The following EYA2 variants were observed in gnomAD, a reference collection of about 807,000 sequenced individuals.
EYA2 encodes the protein protein phosphatase EYA2.
EYA2 carries 31 observed loss-of-function variants against 69.2 expected under a neutral mutation model. That is an observed-to-expected ratio of 0.45 (90% CI 0.34 to 0.60). EYA2 has a LOEUF of 0.60. Among genes scored for constraint, EYA2 ranks in the 20% least tolerant of loss-of-function variants. The pLI is 0.02. For missense variants in EYA2, 622 were observed against 701.2 expected, an observed-to-expected ratio of 0.89 and a Z score of 1.28; for synonymous variants, 257 against 279.4, an observed-to-expected ratio of 0.92 and a Z score of 0.80.
chr20:47,034,625 A>G (rs1984598607), intron 5 of EYA2, among the ~76,000 whole-genome samples: 2 of 152,360 alleles, frequency 1.3e-5, no homozygotes, highest in South Asian at 4.1e-4. Flanking sequence ...TGTCCCCACC[A>G]AAGTTAAAAG....
intron 9 of EYA2, among the ~76,000 whole-genome samples, chr20:47,108,753 C>G (rs535905118): frequency 6.6e-6 from 1 of 151,368 alleles, no homozygotes; most frequent in Non-Finnish European, 1.5e-5. Flanking sequence ...TTTTGAGAGA[C>G]GAGGGTCTCA....
chr20:46,904,899 T>C (rs77371880), intron 1 of EYA2, among the ~76,000 whole-genome samples: 5,599 of 152,240 alleles, frequency 0.037, 361 homozygotes, highest in African/African-American at 0.13. Flanking sequence ...TCTGCCTCAG[T>C]TTCCCTATTC....
chr20:47,167,454 T>G (rs549377973), intron 10 of EYA2, among the ~76,000 whole-genome samples: 5 of 152,010 alleles, frequency 3.3e-5, no homozygotes, highest in Middle Eastern at 6.8e-3. Context: ...AGCTAATTTT[T>G]TGTATTTTTA....
intron 10 of EYA2, among the ~76,000 whole-genome samples, chr20:47,159,504 A>G (rs6094613): frequency 0.6 from 91,120 of 151,828 alleles, 28,640 homozygotes; most frequent in African/African-American, 0.78. Flanking sequence ...TTGGATCCTG[A>G]AACAGTCCAA....
At chr20:47,091,414 T>C (rs6012116) in intron 8 of EYA2, among the ~76,000 whole-genome samples, 3,180 of 152,190 alleles carry the variant, frequency 0.021, 117 homozygotes, top group African/African-American at 0.072. Flanking sequence ...CCTTGAAATA[T>C]TTGCTACAAT....
rs529196044 is a variant in EYA2, at chr20:46,954,995, G to A, written c.-10-35006G>A. Among the ~76,000 whole-genome samples the A allele has an allele frequency of 9.2e-5, 14 of 152,278 alleles. No homozygotes were observed. The South Asian group carries it at 2.1e-3, about 23-fold the overall frequency. ...GTAAGGTCAAAATGGATGTCGGCAC[G>A]TCCTGCAGGCCTTTTCTCAGCCTGA... On this transcript the variant is annotated intron_variant, in intron 1 of 15. Coordinates refer to ENST00000327619, the MANE Select transcript of EYA2 (RefSeq NM_005244.5).
At chr20:47,002,265 A>G (rs971509875) in intron 3 of EYA2, among the ~76,000 whole-genome samples, 7 of 152,054 alleles carry the variant, frequency 4.6e-5, no homozygotes, top group African/African-American at 1.7e-4. Flanking sequence ...ATAGGTAAAC[A>G]TGTGCCATGG....
At chr20:47,019,150 C>A (rs1046997607) in intron 5 of EYA2, among the ~76,000 whole-genome samples, 1 of 152,226 alleles carries the variant, frequency 6.6e-6, no homozygotes, top group African/African-American at 2.4e-5. Context: ...TTAGATCCAT[C>A]TAGAAGGTGA....
intron 5 of EYA2, among the ~76,000 whole-genome samples, chr20:47,019,377 C>G (rs1983610272): frequency 6.6e-6 from 1 of 152,238 alleles, no homozygotes; most frequent in Admixed American, 6.5e-5. Context: ...TGAGACAGCC[C>G]AGGCATTTTG....
intron 1 of EYA2, among the ~76,000 whole-genome samples, chr20:46,910,496 C>G (rs1984591996): frequency 6.6e-6 from 1 of 152,186 alleles, no homozygotes; most frequent in African/African-American, 2.4e-5. Context: ...TTCATGGTCT[C>G]TGGTACAAAA....
chr20:46,923,143 G>A (rs570292094), intron 1 of EYA2, among the ~76,000 whole-genome samples: 4 of 152,298 alleles, frequency 2.6e-5, no homozygotes, highest in East Asian at 1.9e-4. Flanking sequence ...TGAGGCGGGC[G>A]GATCACTTGA....
chr20:47,030,303 T>G (rs1984333026), intron 5 of EYA2, among the ~76,000 whole-genome samples: 1 of 152,210 alleles, frequency 6.6e-6, no homozygotes, highest in Non-Finnish European at 1.5e-5. Flanking sequence ...CCAATAAAAG[T>G]GTCCCCATGA....
chr20:47,014,268 A>G (rs1440063482), intron 4 of EYA2, among the ~76,000 whole-genome samples: 1 of 152,182 alleles, frequency 6.6e-6, no homozygotes, highest in Non-Finnish European at 1.5e-5. Flanking sequence ...CTCACAATCT[A>G]TCTGTTTTTA....
intron 10 of EYA2, among the ~76,000 whole-genome samples, chr20:47,162,119 C>G (rs118047863): frequency 1.6e-4 from 25 of 152,280 alleles, no homozygotes; most frequent in Non-Finnish European, 3.2e-4. Flanking sequence ...TCGTCATCAC[C>G]TGGCATTCTT....
At chr20:46,979,308 G>A (rs1030643697) in intron 1 of EYA2, among the ~76,000 whole-genome samples, 1 of 152,176 alleles carries the variant, frequency 6.6e-6, no homozygotes, top group Non-Finnish European at 1.5e-5. Flanking sequence ...CCAGGGACAG[G>A]GGTGGTGACA....
chr20:47,106,014 A>T (rs2032569024), intron 9 of EYA2, among the ~76,000 whole-genome samples: 1 of 152,224 alleles, frequency 6.6e-6, no homozygotes, highest in African/African-American at 2.4e-5. Flanking sequence ...TCCACAGGGC[A>T]GGTTTATGAG....
chr20:47,187,531 C>G (rs1285791416), intron 15 of EYA2, among the ~76,000 whole-genome samples: 3 of 152,182 alleles, frequency 2.0e-5, no homozygotes, highest in Non-Finnish European at 4.4e-5. Flanking sequence ...TCTGTTTGTT[C>G]ACAGTGGAGA....
intron 9 of EYA2, among the ~76,000 whole-genome samples, chr20:47,100,418 G>A (rs1162382092): frequency 5.3e-5 from 8 of 152,190 alleles, no homozygotes; most frequent in Non-Finnish European, 2.9e-5. Context: ...CCCCCACCTG[G>A]CCTGGTTAAC....
intron 1 of EYA2, among the ~76,000 whole-genome samples, chr20:46,943,241 G>C (rs576158845): frequency 2.6e-5 from 4 of 152,294 alleles, no homozygotes; most frequent in Non-Finnish European, 5.9e-5. Flanking sequence ...ACGATGCACA[G>C]GACATCCCCC....
Sources: allele counts gnomAD v4.1 joint callset (sites outside exome capture counted in the v4.1 genomes callset), GRCh38; gene constraint gnomAD v4.1.1; transcripts MANE v1.5; gene names NCBI Gene and HGNC (gene_info 2026-07-23, HGNC 2026-07-21).